MAST4: variants seen among roughly 807,000 people sequenced by gnomAD.
The protein encoded by MAST4 is microtubule-associated serine/threonine-protein kinase 4.
A neutral mutation model predicts 162.7 loss-of-function variants in MAST4; 89 were observed. That is an observed-to-expected ratio of 0.55 (90% CI 0.46 to 0.65). The LOEUF is 0.65. Among genes scored for constraint, MAST4 ranks in the 30% least tolerant of loss-of-function variants. MAST4 has a pLI of 0.00. For missense variants in MAST4, 3,153 were observed against 3,374.0 expected (o/e 0.93, Z 1.62); for synonymous variants, 1,479 against 1,361.1 (o/e 1.09, Z -1.91).
At chr5:66,958,264 G>A (rs1745569601) in intron 4 of MAST4, among the ~76,000 whole-genome samples, 1 of 152,130 alleles carries the variant, frequency 6.6e-6, no homozygotes, top group South Asian at 2.1e-4. Flanking sequence ...CAACAAACCA[G>A]GGGTTGCCAA....
chr5:66,987,207 G>A (rs926821997), intron 4 of MAST4, among the ~76,000 whole-genome samples: 4 of 152,104 alleles, frequency 2.6e-5, no homozygotes, highest in Non-Finnish European at 4.4e-5. Flanking sequence ...TCTGTGTCTT[G>A]AAGGTGACAT....
At chr5:66,742,116 C>G (rs1204209670) in intron 1 of MAST4, among the ~76,000 whole-genome samples, 1 of 152,184 alleles carries the variant, frequency 6.6e-6, no homozygotes, top group East Asian at 1.9e-4. Context: ...GATCCACACG[C>G]CTTCATTGCA....
At chr5:66,994,733 T>G (rs1481307532) in intron 4 of MAST4, among the ~76,000 whole-genome samples, 1 of 152,232 alleles carries the variant, frequency 6.6e-6, no homozygotes, top group African/African-American at 2.4e-5. Flanking sequence ...CCTAGTCTCA[T>G]GGGAAATAAC....
At chr5:66,921,601 A>C (rs1162975428) in intron 4 of MAST4, among the ~76,000 whole-genome samples, 2 of 152,136 alleles carry the variant, frequency 1.3e-5, no homozygotes, top group East Asian at 3.9e-4. Flanking sequence ...TACTAAAAAA[A>C]ATACAAAAAT....
chr5:66,813,975 G>A (rs868500722), intron 3 of MAST4, among the ~76,000 whole-genome samples: 2 of 152,314 alleles, frequency 1.3e-5, no homozygotes, highest in African/African-American at 4.8e-5. Context: ...CTACTTGTCT[G>A]TCATCTCTGG....
At chr5:67,126,188 G>T (rs924313507) in intron 14 of MAST4, among the ~76,000 whole-genome samples, 1 of 152,150 alleles carries the variant, frequency 6.6e-6, no homozygotes, top group African/African-American at 2.4e-5. Flanking sequence ...CTCCCATTCT[G>T]TAGGTTGCGT....
intron 5 of MAST4, among the ~76,000 whole-genome samples, chr5:67,059,159 C>T (rs1759240013): frequency 6.6e-6 from 1 of 152,190 alleles, no homozygotes; most frequent in African/African-American, 2.4e-5. Flanking sequence ...TGGCTATCAG[C>T]AAGGAGCTGC....
intron 1 of MAST4, among the ~76,000 whole-genome samples, chr5:66,643,939 A>G (rs566625279): frequency 6.6e-6 from 1 of 151,814 alleles, no homozygotes; most frequent in South Asian, 2.1e-4. Flanking sequence ...GAAGTATAAA[A>G]TGAATTTTGA....
At chr5:66,766,478 G>T (rs1179396704) in intron 2 of MAST4, among the ~76,000 whole-genome samples, 1 of 151,764 alleles carries the variant, frequency 6.6e-6, no homozygotes, top group Non-Finnish European at 1.5e-5. Flanking sequence ...AAATCAATTT[G>T]GAATAACGTC....
chr5:67,060,850 A>G (rs915360879), intron 5 of MAST4, among the ~76,000 whole-genome samples: 1 of 152,168 alleles, frequency 6.6e-6, no homozygotes, highest in African/African-American at 2.4e-5. Context: ...GTTGGGCCGT[A>G]AGGGATTTAG....
At chr5:67,119,637 A>T (rs1166712575) in intron 13 of MAST4, among the ~76,000 whole-genome samples, 1 of 152,220 alleles carries the variant, frequency 6.6e-6, no homozygotes, top group Non-Finnish European at 1.5e-5. Context: ...TGCTAAATAA[A>T]TGATAGCTGT....
At position 66,754,540 on chromosome 5, in the gene MAST4, T is replaced by G. The variant is rs564570724; in HGVS notation, c.364-5169T>G. ...ATTAAAGCCCTTTATGGCATGTGTT[T>G]TCTATTTTTTTCCTGTTATATTTTA... On this transcript the variant is annotated intron_variant, in intron 1 of 28. Transcript: ENST00000403625. Among the ~76,000 whole-genome samples, 9 of 152,374 alleles carry G rather than the reference T, an allele frequency of 5.9e-5. No homozygotes were observed. In the South Asian group the frequency reaches 1.9e-3, roughly 32 times the overall value.
At chr5:66,598,600 G>A (rs1395169422) in intron 1 of MAST4, among the ~76,000 whole-genome samples, 1 of 152,178 alleles carries the variant, frequency 6.6e-6, no homozygotes, top group East Asian at 1.9e-4. Flanking sequence ...CGGGGCATGT[G>A]CCACGTGTTT....
At chr5:66,759,067 G>A (rs1753709908) in intron 1 of MAST4, among the ~76,000 whole-genome samples, 1 of 152,324 alleles carries the variant, frequency 6.6e-6, no homozygotes, top group Non-Finnish European at 1.5e-5. Context: ...CTCTTGAAGT[G>A]ACTTTGGTTT....
At chr5:66,917,145 C>T (rs1764167184) in intron 4 of MAST4, 3 of 642,138 alleles carry the variant, frequency 4.7e-6, no homozygotes, top group Admixed American at 4.7e-5. Flanking sequence ...TAATTCTTTC[C>T]AATCTTATTA....
At chr5:66,813,909 G>A (rs1315449448) in intron 3 of MAST4, among the ~76,000 whole-genome samples, 1 of 152,192 alleles carries the variant, frequency 6.6e-6, no homozygotes, top group Non-Finnish European at 1.5e-5. Context: ...TTTCAGAATT[G>A]TTTTGTTGGA....
At chr5:66,947,954 A>G (rs934375774) in intron 4 of MAST4, among the ~76,000 whole-genome samples, 1 of 152,146 alleles carries the variant, frequency 6.6e-6, no homozygotes, top group African/African-American at 2.4e-5. Flanking sequence ...AAAAAATCTA[A>G]TCTCTTTCCC....
intron 2 of MAST4, among the ~76,000 whole-genome samples, chr5:66,782,983 A>T (rs1310661008): frequency 6.6e-6 from 1 of 152,198 alleles, no homozygotes; most frequent in African/African-American, 2.4e-5. Flanking sequence ...GTGCCTTCTA[A>T]TGACTGTCTT....
chr5:66,995,277 G>GT (rs1750503274), intron 4 of MAST4, among the ~76,000 whole-genome samples: 1 of 152,142 alleles, frequency 6.6e-6, no homozygotes, highest in East Asian at 1.9e-4. Context: ...AAATACCAGA[G>GT]TAAAAGTGTG....
Sources: allele counts gnomAD v4.1 joint callset (sites outside exome capture counted in the v4.1 genomes callset), GRCh38; gene constraint gnomAD v4.1.1; transcripts MANE v1.5; gene names NCBI Gene and HGNC (gene_info 2026-07-23, HGNC 2026-07-21).